The following PHACTR2 variants were observed in gnomAD, a reference collection of about 807,000 sequenced individuals.
PHACTR2 encodes the protein phosphatase and actin regulator 2.
In PHACTR2, 30 loss-of-function variants were observed where a neutral mutation model predicts 76.0. That is an observed-to-expected ratio of 0.39 (90% CI 0.30 to 0.54). The LOEUF is 0.54. Among genes scored for constraint, PHACTR2 ranks in the 20% least tolerant of loss-of-function variants. The pLI is 0.61. For missense variants in PHACTR2, 696 were observed against 781.1 expected (o/e 0.89, Z 1.30); for synonymous variants, 292 against 292.5 (o/e 1.00, Z 0.02).
chr6:143,721,561 A>G (rs1281876877), intron 2 of PHACTR2, among the ~76,000 whole-genome samples: 1 of 152,134 alleles, frequency 6.6e-6, no homozygotes, highest in African/African-American at 2.4e-5. Flanking sequence ...CCTTATTCCC[A>G]GCTCTAATTG....
chr6:143,711,064 A>T (rs961266062), intron 1 of PHACTR2: 1 of 517,118 alleles, frequency 1.9e-6, no homozygotes, highest in African/African-American at 1.9e-5. Context: ...GTGAAATGCA[A>T]AAAATTGTAA....
At position 143,580,206 on chromosome 6, in the gene PHACTR2, C is replaced by T. The variant is rs1025539976; in HGVS notation, c.217+42999C>T. Among the ~76,000 whole-genome samples the T allele has an allele frequency of 9.2e-5, 14 of 152,184 alleles. No individual in the cohort carries two copies. The highest frequency in any genetic ancestry group is 3.4e-4 in the African/African-American group (14 of 41,446). On this transcript the variant is annotated intron_variant, in intron 1 of 11. Transcript: ENST00000367584. The surrounding 1 kb of genome is among the most constrained non-coding windows in gnomAD (Gnocchi z 4.2). ...CCTTTAGAAGGGAGTCAACTTGGGG[C>T]CGGGCGCAGTGGCTCACTCCTGTAA...
chr6:143,581,748 C>T lies in PHACTR2; in HGVS notation c.217+44541C>T, dbSNP rs979793414. Among the ~76,000 whole-genome samples, 1 of 151,986 alleles carries T rather than the reference C, an allele frequency of 6.6e-6. No homozygotes were observed. Among genetic ancestry groups the T allele is most frequent in the Non-Finnish European group, 1.5e-5 (1 of 67,990 alleles). On this transcript the variant is annotated intron_variant, in intron 1 of 11. Transcript: ENST00000367584. The surrounding 1 kb of genome is among the most constrained non-coding windows in gnomAD (Gnocchi z 4.5). ...CAGGAGGGTGAGGCAGGAGGATCAC[C>T]TGAGCCTGGGAAAGTCGAGGCTGCA... is the stretch of plus-strand genomic sequence containing the variant.
At chr6:143,771,192 G>GTATA (rs1562300820) in intron 6 of PHACTR2, among the ~76,000 whole-genome samples, 3 of 16,616 alleles carry the variant, frequency 1.8e-4, no homozygotes, top group South Asian at 3.6e-3. Context: ...ATATATATGT[G>GTATA]TGTATATATA....
upstream of PHACTR2, among the ~76,000 whole-genome samples, chr6:143,674,356 A>T (rs1337160854): frequency 2.0e-5 from 3 of 152,184 alleles, no homozygotes; most frequent in African/African-American, 7.2e-5. The surrounding 1 kb of genome is among the most constrained non-coding windows in gnomAD (Gnocchi z 4.9). Context: ...ACTTTTGCAT[A>T]TCGTTTTTAG....
Position 143,780,950 on chromosome 6 carries a change from T to A in PHACTR2, c.1646-2269T>A, listed in dbSNP as rs1775414690. Among the ~76,000 whole-genome samples the A allele has an allele frequency of 6.6e-6, 1 of 152,250 alleles. No individual in the cohort carries two copies. Among genetic ancestry groups the A allele is most frequent in the Non-Finnish European group, 1.5e-5 (1 of 68,046 alleles). ...CAAATACTGAGTTTAAGGTTTAAAC[T>A]TGACTCTATGAGAGATTTTACAATG... On this transcript the variant is annotated intron_variant, in intron 9 of 12. Transcript: ENST00000440869. This position sits in a 1 kb window ranked among gnomAD's most constrained non-coding sequence, Gnocchi z 4.4.
rs1562260453 is a variant in PHACTR2 at position 143,654,344 on chromosome 6, A to G, written c.13+46022A>G. Among the ~76,000 whole-genome samples, 1 of 152,232 alleles carries G rather than the reference A, an allele frequency of 6.6e-6. No homozygotes were observed. Among genetic ancestry groups the G allele is most frequent in the Non-Finnish European group, 1.5e-5 (1 of 68,042 alleles). On this transcript the variant is annotated intron_variant, in intron 1 of 11. Coordinates refer to the PHACTR2 transcript ENST00000305766. The surrounding 1 kb of genome is among the most constrained non-coding windows in gnomAD (Gnocchi z 4.6). ...GAACAGCAATTCTACTTCTAGGTAT[A>G]TACCCAAAAAAATGAAAACATATAT...
chr6:143,768,615 T>C (rs1443789379), intron 6 of PHACTR2, among the ~76,000 whole-genome samples: 1 of 152,254 alleles, frequency 6.6e-6, no homozygotes, highest in African/African-American at 2.4e-5. Context: ...GTTCATTTTA[T>C]TGTGCTAAAC....
At position 143,764,894 on chromosome 6, in the gene PHACTR2, A is replaced by C. The variant is rs1157811409; in HGVS notation, c.695-367A>C. On this transcript the variant is annotated intron_variant, in intron 5 of 12. Coordinates refer to ENST00000440869, the MANE Select transcript of PHACTR2 (RefSeq NM_001100164.2). The surrounding 1 kb of genome is among the most constrained non-coding windows in gnomAD (Gnocchi z 4.7). The stretch of plus-strand genomic sequence containing the variant: ...GTGTGCTACACCCAGCTAGCTGCTG[A>C]TGTCTGTCCTTTACGCACCATAACA... Among the ~76,000 whole-genome samples the C allele has an allele frequency of 6.6e-6, 1 of 152,180 alleles. No individual in the cohort carries two copies. Among genetic ancestry groups the C allele is most frequent in the Admixed American group, 6.5e-5 (1 of 15,278 alleles).
In PHACTR2 at chr6:143,553,553, A is replaced by G. The variant is rs1775123225; in HGVS notation, c.217+16346A>G. Among the ~76,000 whole-genome samples, 1 of 152,202 alleles carries G rather than the reference A, an allele frequency of 6.6e-6. No individual in the cohort carries two copies. Among genetic ancestry groups the G allele is most frequent in the Non-Finnish European group, 1.5e-5 (1 of 68,044 alleles). ...CAGATGTTAGATGAACAAACAGTAA[A>G]TTATTTTGACAGTTTTGAGTTTTCT... On this transcript the variant is annotated intron_variant, in intron 1 of 11. Coordinates refer to the PHACTR2 transcript ENST00000367584. The surrounding 1 kb of genome is among the most constrained non-coding windows in gnomAD (Gnocchi z 4.2).
At chr6:143,642,687 G>A (rs980828910) in intron 1 of PHACTR2, among the ~76,000 whole-genome samples, 1 of 152,196 alleles carries the variant, frequency 6.6e-6, no homozygotes, top group African/African-American at 2.4e-5. Flanking sequence ...TTTGGACACA[G>A]AGATACCCAC....
intron 1 of PHACTR2, among the ~76,000 whole-genome samples, chr6:143,640,206 A>G (rs1776540258): frequency 6.6e-6 from 1 of 152,222 alleles, no homozygotes; most frequent in Non-Finnish European, 1.5e-5. Context: ...TGATAATGAC[A>G]ACAAATGTCT....
At chr6:143,745,823 C>T (rs1779051380) in intron 2 of PHACTR2, among the ~76,000 whole-genome samples, 1 of 152,156 alleles carries the variant, frequency 6.6e-6, no homozygotes. Context: ...CCTATCAGAG[C>T]CTGTTTATAG....
Position 143,618,283 on chromosome 6 carries a change from A to ACACACACACG in PHACTR2, c.13+9964_13+9965insACACACGCAC, listed in dbSNP as rs112070406. 3.0e-3 allele frequency among the ~76,000 whole-genome samples: 440 copies of ACACACACACG among 147,576 alleles called. 3 individuals carry two copies. The highest frequency in any genetic ancestry group is 0.01 in the African/African-American group (411 of 40,896). On this transcript the variant is annotated intron_variant, in intron 1 of 11. Coordinates refer to the PHACTR2 transcript ENST00000305766. The surrounding 1 kb of genome is among the most constrained non-coding windows in gnomAD (Gnocchi z 5.2). ...CACACACACACACACACACACACAC[A>ACACACACACG]CACGCACACTCCAGAATGAGTTTCA...
chr6:143,543,724 T>C lies in PHACTR2; in HGVS notation c.217+6517T>C, dbSNP rs973088239. 3.3e-5 allele frequency among the ~76,000 whole-genome samples: 5 copies of C among 152,130 alleles called. No individual in the cohort carries two copies. Among genetic ancestry groups the C allele is most frequent in the African/African-American group, 4.8e-5 (2 of 41,422 alleles). On this transcript the variant is annotated intron_variant, in intron 1 of 11. Transcript: ENST00000367584. The surrounding 1 kb of genome is among the most constrained non-coding windows in gnomAD (Gnocchi z 4.7). ...TGCTTTTGGCTCTGAGCAGGGTTCT[T>C]TTGGGAGAGAAGGGAGAGTAGAGAG...
At position 143,816,751 on chromosome 6, in the gene PHACTR2, G is replaced by T. The variant is rs1479659058; in HGVS notation, c.1923-6923G>T. Among the ~76,000 whole-genome samples the T allele has an allele frequency of 6.6e-6, 1 of 152,150 alleles. No homozygotes were observed. The highest frequency in any genetic ancestry group is 1.5e-5 in the Non-Finnish European group (1 of 68,028). ...AAATTAAATACAGAATACTTTCCAG[G>T]ATAATATTGGGCTTTCAAAGATTAT... is the stretch of plus-strand genomic sequence containing the variant. On this transcript the variant is annotated intron_variant, in intron 12 of 12. Coordinates refer to ENST00000440869, the MANE Select transcript of PHACTR2 (RefSeq NM_001100164.2). The surrounding 1 kb of genome is among the most constrained non-coding windows in gnomAD (Gnocchi z 4.5).
At chr6:143,605,055 G>C (rs1235491479), upstream of PHACTR2, among the ~76,000 whole-genome samples, 1 of 151,158 alleles carries the variant, frequency 6.6e-6, no homozygotes, top group Non-Finnish European at 1.5e-5. This position sits in a 1 kb window ranked among gnomAD's most constrained non-coding sequence, Gnocchi z 5.0. Context: ...CCCCACAGCA[G>C]CCTTGCTGTT....
intron 12 of PHACTR2, among the ~76,000 whole-genome samples, chr6:143,814,110 C>G (rs1321256230): frequency 6.6e-6 from 1 of 152,184 alleles, no homozygotes; most frequent in Admixed American, 6.5e-5. Flanking sequence ...AATCCCAGTA[C>G]TTTGGGGGGC....
At position 143,608,799 on chromosome 6, in the gene PHACTR2, G is replaced by C. The variant is rs974933282; in HGVS notation, c.13+477G>C. Among the ~76,000 whole-genome samples the C allele has an allele frequency of 2.6e-5, 4 of 152,232 alleles. No individual in the cohort carries two copies. Among genetic ancestry groups the C allele is most frequent in the Middle Eastern group, 3.4e-3 (1 of 294 alleles). ...TAGGATGCAATGTCGAAAATGTTTC[G>C]ATAGCCTCTGATATTTTAATTTCAG... On this transcript the variant is annotated intron_variant, in intron 1 of 11. Transcript: ENST00000305766. This position sits in a 1 kb window ranked among gnomAD's most constrained non-coding sequence, Gnocchi z 4.6.
Sources: gnomAD v4.1 joint callset for allele counts (sites outside exome capture counted in the v4.1 genomes callset) on GRCh38, gnomAD v4.1.1 for gene constraint, Gnocchi (gnomAD v3.1) non-coding constraint, MANE v1.5 for transcripts, NCBI Gene and HGNC (gene_info 2026-07-23, HGNC 2026-07-21) for gene names.